The following PTPRD variants were observed in gnomAD, a reference collection of about 807,000 sequenced individuals.
PTPRD encodes the protein receptor-type tyrosine-protein phosphatase delta.
A neutral mutation model predicts 214.5 loss-of-function variants in PTPRD; 34 were observed. That is an observed-to-expected ratio of 0.16 (90% CI 0.12 to 0.21). The LOEUF (loss-of-function observed/expected upper bound fraction) is 0.21. Ranked by LOEUF, PTPRD falls within the 10% of genes least tolerant of loss-of-function variation. The pLI is 1.00. For synonymous variants in PTPRD, 1,128 were observed against 845.7 expected (o/e 1.33, Z -5.79); for missense variants, 2,545 against 2,398.7 (o/e 1.06, Z -1.27).
At chr9:10,319,385 C>A (rs535905378) in intron 3 of PTPRD, among the ~76,000 whole-genome samples, 6 of 152,194 alleles carry the variant, frequency 3.9e-5, no homozygotes, top group Non-Finnish European at 7.4e-5. Flanking sequence ...ATAAGTACAT[C>A]TGAAATTCAA....
chr9:9,333,014 G>C lies in PTPRD; in HGVS notation c.-203+64435C>G, dbSNP rs1253777194. ...TTTTGTATCCAAAAAGCATGGATAA[G>C]ACACTGAATCGGTGGAACACAGAGC... On this transcript the variant is annotated intron_variant, in intron 9 of 45. Coordinates refer to ENST00000381196, the MANE Select transcript of PTPRD (RefSeq NM_002839.4). Among the ~76,000 whole-genome samples the C allele has an allele frequency of 2.0e-5, 3 of 152,004 alleles. No individual in the cohort carries two copies. In the East Asian group the frequency reaches 5.8e-4, roughly 29 times the overall value.
rs139369838 is a variant in PTPRD at position 9,604,643 on chromosome 9, T to C, written c.-286-29862A>G. On this transcript the variant is annotated intron_variant, in intron 7 of 45. Coordinates refer to ENST00000381196, the MANE Select transcript of PTPRD (RefSeq NM_002839.4). ...ACTACCATTACTACTACATTTTATT[T>C]TGTCAAAAATATTGAGTTTTACATA... Among the ~76,000 whole-genome samples, 11 of 152,218 alleles carry C rather than the reference T, an allele frequency of 7.2e-5. 1 individual carries two copies. Among genetic ancestry groups the C allele is most frequent in the African/African-American group, 2.6e-4 (11 of 41,558 alleles).
In PTPRD at chr9:8,544,868, T is replaced by G. The variant is rs144154710; in HGVS notation, c.353-16089A>C. Among the ~76,000 whole-genome samples, 422 of 150,666 alleles carry G rather than the reference T, an allele frequency of 2.8e-3. 2 individuals carry two copies. Among genetic ancestry groups the G allele is most frequent in the African/African-American group, 9.7e-3 (396 of 40,960 alleles). On this transcript the variant is annotated intron_variant, in intron 14 of 45. Transcript: ENST00000381196. ...GACTTAATCCTTTGACAATAACAGC[T>G]GGGTCATACTAAAGACAGTCCTTTT... is the stretch of plus-strand genomic sequence containing the variant.
intron 4 of PTPRD, among the ~76,000 whole-genome samples, chr9:9,997,130 T>G (rs1478325459): frequency 6.6e-6 from 1 of 152,130 alleles, no homozygotes; most frequent in Non-Finnish European, 1.5e-5. Context: ...TCTTGCCAAA[T>G]AGAGAATCTC....
At chr9:9,777,893 A>G (rs1481826506) in intron 5 of PTPRD, among the ~76,000 whole-genome samples, 3 of 152,110 alleles carry the variant, frequency 2.0e-5, no homozygotes, top group Non-Finnish European at 2.9e-5. Flanking sequence ...ATTACCCCAA[A>G]TGGGTTTATA....
chr9:9,027,233 C>G (rs374667728), intron 10 of PTPRD, among the ~76,000 whole-genome samples: 2 of 151,682 alleles, frequency 1.3e-5, no homozygotes, highest in Non-Finnish European at 2.9e-5. Context: ...GAATTTGTTC[C>G]CCCACAAGGC....
chr9:8,929,755 A>ATATATATGTGTATACATATG (rs1285445116), intron 11 of PTPRD, among the ~76,000 whole-genome samples: 2 of 58,080 alleles, frequency 3.4e-5, no homozygotes, highest in Admixed American at 3.7e-4. Flanking sequence ...GTATATATAT[A>ATATATATGTGTATACATATG]TGTATATATA....
At chr9:10,208,409 G>T (rs908970486) in intron 3 of PTPRD, among the ~76,000 whole-genome samples, 2 of 152,194 alleles carry the variant, frequency 1.3e-5, no homozygotes, top group African/African-American at 4.8e-5. Flanking sequence ...AGCTACTCGG[G>T]AGGCTGAGGC....
chr9:9,105,904 G>A (rs2099797803), intron 10 of PTPRD, among the ~76,000 whole-genome samples: 1 of 152,150 alleles, frequency 6.6e-6, no homozygotes, highest in South Asian at 2.1e-4. Flanking sequence ...TCCACCCAGT[G>A]CTCTTTTTGG....
intron 9 of PTPRD, among the ~76,000 whole-genome samples, chr9:9,265,995 C>A (rs942228353): frequency 6.6e-6 from 1 of 151,360 alleles, no homozygotes; most frequent in East Asian, 2.0e-4. Flanking sequence ...AAACTCACAT[C>A]TGCTTTAAGG....
intron 8 of PTPRD, among the ~76,000 whole-genome samples, chr9:9,528,392 G>A (rs868674524): frequency 6.6e-5 from 10 of 152,126 alleles, no homozygotes; most frequent in Non-Finnish European, 1.2e-4. Context: ...ACCTTCAGAA[G>A]AATATTTCTT....
intron 5 of PTPRD, among the ~76,000 whole-genome samples, chr9:9,859,164 C>T (rs1334404592): frequency 6.6e-6 from 1 of 152,186 alleles, no homozygotes; most frequent in Non-Finnish European, 1.5e-5. Context: ...GAAGAAGGTA[C>T]CTGCTTCCCC....
intron 7 of PTPRD, among the ~76,000 whole-genome samples, chr9:9,718,211 G>T (rs756558950): frequency 1.3e-5 from 2 of 152,172 alleles, no homozygotes; most frequent in Non-Finnish European, 2.9e-5. Context: ...TCTTTTATAA[G>T]AGGAGATGGC....
intron 14 of PTPRD, among the ~76,000 whole-genome samples, chr9:8,548,488 C>A (rs944513978): frequency 5.9e-5 from 9 of 151,898 alleles, no homozygotes; most frequent in African/African-American, 2.2e-4. Flanking sequence ...GTGCTTCAGC[C>A]TCCCAAGTAT....
At chr9:8,748,542 A>G (rs1402161837) in intron 11 of PTPRD, among the ~76,000 whole-genome samples, 1 of 104,646 alleles carries the variant, frequency 9.6e-6, no homozygotes, top group Non-Finnish European at 2.1e-5. Context: ...AAAAAAAAAG[A>G]AAAAGAAAAA....
chr9:9,115,024 T>C (rs2099810980), intron 10 of PTPRD, among the ~76,000 whole-genome samples: 1 of 152,156 alleles, frequency 6.6e-6, no homozygotes, highest in Non-Finnish European at 1.5e-5. Flanking sequence ...GTATAAGGTA[T>C]CCAAACAAAG....
chr9:8,872,560 AG>A, intron 11 of PTPRD, among the ~76,000 whole-genome samples: 1 of 152,378 alleles, frequency 6.6e-6, no homozygotes, highest in African/African-American at 2.4e-5. Context: ...TCAATGAATA[AG>A]AAAATTTTGG....
chr9:9,748,117 T>C (rs1452019024), intron 6 of PTPRD, among the ~76,000 whole-genome samples: 1 of 152,220 alleles, frequency 6.6e-6, no homozygotes, highest in African/African-American at 2.4e-5. Context: ...CCATCATTCA[T>C]CAGTGAATCA....
chr9:9,622,421 G>T (rs1212863361), intron 7 of PTPRD, among the ~76,000 whole-genome samples: 1 of 152,164 alleles, frequency 6.6e-6, no homozygotes, highest in African/African-American at 2.4e-5. Context: ...TACAGGAGAT[G>T]AAAGTTTCTT....
Sources: gnomAD v4.1 joint callset for allele counts (sites outside exome capture counted in the v4.1 genomes callset) on GRCh38, gnomAD v4.1.1 for gene constraint, MANE v1.5 for transcripts, NCBI Gene and HGNC (gene_info 2026-07-23, HGNC 2026-07-21) for gene names.